Variants in IFT43 observed in about 807,000 individuals in gnomAD.
IFT43 encodes the protein intraflagellar transport protein 43 homolog.
IFT43 carries 33 observed loss-of-function variants against 32.3 expected under a neutral mutation model. That is an observed-to-expected ratio of 1.02 (90% CI 0.77 to 1.37). IFT43 has a LOEUF of 1.37. Among genes scored for constraint, IFT43 ranks in the 40% most tolerant of loss-of-function variants. The pLI, the probability that IFT43 is intolerant of heterozygous loss-of-function variation, is 0.00. For missense variants in IFT43, 274 were observed against 265.9 expected, an observed-to-expected ratio of 1.03 and a Z score of -0.21; for synonymous variants, 93 against 98.2, an observed-to-expected ratio of 0.95 and a Z score of 0.31.
intron 2 of IFT43, 103 bp downstream of exon 2, chr14:75,989,080 C>A: frequency 1.5e-6 from 2 of 1,357,970 alleles, no homozygotes; most frequent in South Asian, 1.2e-5. Context: ...TCTTGAATGC[C>A]AACCCTTTCT....
chr14:76,070,829 C>G (rs1405079259), intron 5 of IFT43, among the ~76,000 whole-genome samples: 1 of 152,048 alleles, frequency 6.6e-6, no homozygotes, highest in East Asian at 1.9e-4. Context: ...CCTTCACTTT[C>G]CACCATGATT....
At chr14:76,064,138 A>G (rs1401932576) in intron 5 of IFT43, among the ~76,000 whole-genome samples, 5 of 152,154 alleles carry the variant, frequency 3.3e-5, no homozygotes, top group Admixed American at 6.5e-5. Context: ...GCTTTCCAGT[A>G]TCTCTTCATG....
chr14:76,056,798 A>G (rs1365842983), intron 3 of IFT43, among the ~76,000 whole-genome samples: 1 of 152,202 alleles, frequency 6.6e-6, no homozygotes, highest in Non-Finnish European at 1.5e-5. Flanking sequence ...AACTGGGAAG[A>G]CAGCTTCTGT....
chr14:76,045,537 AGGAGAG>A (rs1203137940), intron 3 of IFT43, among the ~76,000 whole-genome samples: 2 of 152,328 alleles, frequency 1.3e-5, no homozygotes, highest in Non-Finnish European at 2.9e-5. Context: ...GTCTCACAAA[AGGAGAG>A]GTCCAGGGCT....
In IFT43 at chr14:75,999,262, TATATATA is replaced by T. The variant is rs2035826456; in HGVS notation, c.147+10286_147+10292del. On this transcript the variant is annotated intron_variant, in intron 2 of 8. Transcript: ENST00000314067. ...ATATATATATATATATATATATATA[TATATATA>T]TATGTATATATATTTTTTTTTTTTT... Among the ~76,000 whole-genome samples, 10 of 25,286 alleles carry T rather than the reference TATATATA, an allele frequency of 4.0e-4. No individual in the cohort carries two copies. In the South Asian group the frequency reaches 4.7e-3, roughly 12 times the overall value. The allele number at this position is 25,286 out of a possible 152,430, so 16.6% of individuals were successfully genotyped here.
At chr14:76,060,845 C>A (rs2037119932) in intron 5 of IFT43, among the ~76,000 whole-genome samples, 1 of 132,958 alleles carries the variant, frequency 7.5e-6, no homozygotes. Flanking sequence ...TTCCTTCCTT[C>A]CTTCCTTCCT....
intron 5 of IFT43, among the ~76,000 whole-genome samples, chr14:76,071,911 A>C (rs2037328248): frequency 6.6e-6 from 1 of 150,570 alleles, no homozygotes; most frequent in Non-Finnish European, 1.5e-5. Context: ...GTGTCTCCTA[A>C]CCCCCCCTGC....
chr14:76,037,961 A>G (rs981718229), intron 3 of IFT43: 1 of 152,244 alleles, frequency 6.6e-6, no homozygotes, highest in African/African-American at 2.4e-5. Flanking sequence ...AAGTAAAAGG[A>G]CTTAATCCTT....
At chr14:76,041,179 G>T (rs1370105552) in intron 3 of IFT43, among the ~76,000 whole-genome samples, 1 of 152,242 alleles carries the variant, frequency 6.6e-6, no homozygotes, top group African/African-American at 2.4e-5. Flanking sequence ...AGGATGTCCT[G>T]TGAAGGCTTT....
intron 3 of IFT43, among the ~76,000 whole-genome samples, chr14:76,032,196 C>T (rs2139984924): frequency 6.6e-6 from 1 of 152,272 alleles, no homozygotes; most frequent in South Asian, 2.1e-4. Flanking sequence ...ATTCAGTCTG[C>T]CAGCAAACCC....
At chr14:76,041,842 A>G (rs1179752540) in intron 3 of IFT43, among the ~76,000 whole-genome samples, 1 of 152,172 alleles carries the variant, frequency 6.6e-6, no homozygotes, top group Non-Finnish European at 1.5e-5. Context: ...GAGATGTTTT[A>G]GTACACGTAG....
chr14:76,048,455 T>G (rs959608242), intron 3 of IFT43, among the ~76,000 whole-genome samples: 23 of 152,246 alleles, frequency 1.5e-4, no homozygotes, highest in African/African-American at 5.1e-4. Flanking sequence ...ATGATCTCCT[T>G]GTTCTCCCTT....
intron 2 of IFT43, among the ~76,000 whole-genome samples, chr14:75,992,433 C>G (rs562719312): frequency 1.3e-5 from 2 of 152,096 alleles, no homozygotes; most frequent in African/African-American, 4.8e-5. Flanking sequence ...TAAAGGGCAC[C>G]GAAGAAAGAG....
intron 1 of IFT43, chr14:75,986,088 G>A: frequency 6.8e-7 from 1 of 1,468,818 alleles, no homozygotes; most frequent in Non-Finnish European, 9.0e-7. Context: ...CGGCGTCTAG[G>A]ACCGTGGGAA....
At chr14:76,015,297 C>T (rs144882076) in intron 2 of IFT43, among the ~76,000 whole-genome samples, 1 of 152,148 alleles carries the variant, frequency 6.6e-6, no homozygotes, top group Non-Finnish European at 1.5e-5. Flanking sequence ...ATAGGCATTT[C>T]CCTCTAAATG....
chr14:76,014,296 T>C (rs540652887), intron 2 of IFT43, among the ~76,000 whole-genome samples: 1 of 152,308 alleles, frequency 6.6e-6, no homozygotes, highest in South Asian at 2.1e-4. Flanking sequence ...GTAGTCTAGG[T>C]AGCCTATAAA....
At chr14:76,060,881 T>TCTCCC (rs144804807) in intron 5 of IFT43, among the ~76,000 whole-genome samples, 48,544 of 141,250 alleles carry the variant, frequency 0.34, 8,504 homozygotes, top group African/African-American at 0.39. Flanking sequence ...CTTTTCCTGC[T>TCTCCC]CTCCCCTCCC....
intron 5 of IFT43, among the ~76,000 whole-genome samples, chr14:76,076,005 C>G (rs146723769): frequency 2.4e-4 from 36 of 152,320 alleles, no homozygotes; most frequent in African/African-American, 8.2e-4. Context: ...CTGGACTGCT[C>G]TTATTGGGGT....
intron 5 of IFT43, among the ~76,000 whole-genome samples, chr14:76,071,068 G>A (rs2037312471): frequency 6.6e-6 from 1 of 152,018 alleles, no homozygotes; most frequent in Non-Finnish European, 1.5e-5. Flanking sequence ...AGACATTAAG[G>A]TCTCTCTCAG....
Sources: allele counts gnomAD v4.1 joint callset (sites outside exome capture counted in the v4.1 genomes callset), GRCh38; gene constraint gnomAD v4.1.1; transcripts MANE v1.5; gene names NCBI Gene and HGNC (gene_info 2026-07-23, HGNC 2026-07-21).